Variants in ARHGAP35 observed in about 807,000 individuals in gnomAD.
ARHGAP35 encodes the protein Rho GTPase activating protein 35.
Under a neutral mutation model 111.1 loss-of-function variants are expected in ARHGAP35, and 15 were observed. The observed-to-expected ratio is 0.13, with a 90% CI of 0.09 to 0.21. The LOEUF is 0.21. Ranked by LOEUF, ARHGAP35 falls within the 10% of genes least tolerant of loss-of-function variation. The pLI is 1.00. For missense variants in ARHGAP35, 1,262 were observed against 1,873.0 expected, an observed-to-expected ratio of 0.67 and a Z score of 6.02; for synonymous variants, 643 against 710.3, an observed-to-expected ratio of 0.91 and a Z score of 1.51.
chr19:46,977,147 AG>A (rs1284673695), intron 3 of ARHGAP35, among the ~76,000 whole-genome samples: 3 of 152,228 alleles, frequency 2.0e-5, no homozygotes, highest in African/African-American at 7.2e-5. Context: ...CAGCTTCTGC[AG>A]GGGGCGTGGC....
chr19:46,955,921 C>T (rs1336548104), intron 3 of ARHGAP35, among the ~76,000 whole-genome samples: 5 of 152,158 alleles, frequency 3.3e-5, no homozygotes, highest in African/African-American at 4.8e-5. Context: ...AAATGCAGGT[C>T]ACGCATCCCT....
At chr19:46,873,817 C>T (rs964610269) in intron 1 of ARHGAP35, among the ~76,000 whole-genome samples, 7 of 151,636 alleles carry the variant, frequency 4.6e-5, no homozygotes, top group Admixed American at 6.6e-5. Context: ...GGCACGATCT[C>T]GGCTCACTGC....
Position 46,994,410 on chromosome 19 carries a change from A to G in ARHGAP35, c.4036+4735A>G, listed in dbSNP as rs1480004043. Among the ~76,000 whole-genome samples, 3 of 152,198 alleles carry G rather than the reference A, an allele frequency of 2.0e-5. No homozygotes were observed. The highest frequency in any genetic ancestry group is 4.8e-5 in the African/African-American group (2 of 41,440). ...GCCTTCGGCAGCACCATAGGGTAGA[A>G]GGTGTCCAGGGTGCACGGGCTGGGC... On this transcript the variant is annotated intron_variant, in intron 5 of 6. Transcript: ENST00000672722. This position sits in a 1 kb window ranked among gnomAD's most constrained non-coding sequence, Gnocchi z 5.4.
intron 1 of ARHGAP35, among the ~76,000 whole-genome samples, chr19:46,875,023 G>T (rs2122123628): frequency 6.6e-6 from 1 of 151,844 alleles, no homozygotes; most frequent in East Asian, 1.9e-4. Flanking sequence ...TGTTGGTCAG[G>T]CTGGTCTCGA....
chr19:46,986,527 C>A lies in ARHGAP35; in HGVS notation c.3827-1462C>A, dbSNP rs1373221164. On this transcript the variant is annotated intron_variant, in intron 3 of 6. Transcript: ENST00000672722. This position sits in a 1 kb window ranked among gnomAD's most constrained non-coding sequence, Gnocchi z 4.3. ...GAAAAACCTATTCTAAGCATAAAAA[C>A]CAAGGAAGACATCATAAAGGAAATG... 6.6e-6 allele frequency among the ~76,000 whole-genome samples: 1 copy of A among 151,812 alleles called. No individual in the cohort carries two copies. The highest frequency in any genetic ancestry group is 1.5e-5 in the Non-Finnish European group (1 of 67,934).
intron 3 of ARHGAP35, among the ~76,000 whole-genome samples, chr19:46,978,686 G>GATGTGTGTGTGGGAT (rs2056596586): frequency 1.2e-5 from 1 of 80,010 alleles, no homozygotes. Flanking sequence ...TGTGTGGTGG[G>GATGTGTGTGTGGGAT]ATGTGTGTGT....
In ARHGAP35 at chr19:46,922,175, G is replaced by C. The variant is rs759708637; in HGVS notation, c.3500G>C (p.Arg1167Pro). 2 of 1,613,988 alleles carry C rather than the reference G, an allele frequency of 1.2e-6. No individual in the cohort carries two copies. The highest frequency in any genetic ancestry group is 1.7e-6 in the Non-Finnish European group (2 of 1,179,890). The change falls in exon 2 of 7, where the codon CGG (arginine) becomes CCG (proline). Residue 1167 changes from arginine to proline, a missense_variant. Physicochemically the swap from Arg to Pro is moderately radical, Grantham distance 103. Around this residue, in one of 8 missense-constraint regions of ARHGAP35, gnomAD observed 579 missense variants for 716.9 expected, o/e 0.81. Transcript: ENST00000672722. This position sits in a 1 kb window ranked among gnomAD's most constrained non-coding sequence, Gnocchi z 4.0. Reference protein sequence around the residue: ...LYRTRCTRLGRFASYRTSFSV... With the variant: ...LYRTRCTRLGPFASYRTSFSV... Reference sequence around the variant, plus strand: ...AGGACGAGATGCACCCGGCTGGGGCGGTTTGCTAGTTACCGGACCAGCTTC... The same window carrying C: ...AGGACGAGATGCACCCGGCTGGGGCCGTTTGCTAGTTACCGGACCAGCTTC...
chr19:46,877,611 T>C lies in ARHGAP35; in HGVS notation c.-189+16402T>C, dbSNP rs113469243. ...AATTAAAAAATAAAAGTTATCTTTA[T>C]GCCGTACTGTAGTCTAAGTGTGCAG... is the stretch of plus-strand genomic sequence containing the variant. On this transcript the variant is annotated intron_variant, in intron 1 of 6. Coordinates refer to ENST00000672722, the MANE Select transcript of ARHGAP35 (RefSeq NM_004491.5). Among the ~76,000 whole-genome samples, 987 of 152,316 alleles carry C rather than the reference T, an allele frequency of 6.5e-3. 6 individuals are homozygous for C. Among genetic ancestry groups the C allele is most frequent in the Middle Eastern group, 0.02 (6 of 294 alleles).
At position 46,999,720 on chromosome 19, in the gene ARHGAP35, C is replaced by A; in HGVS notation, c.4142+311C>A. ...TTGTAGGCCTGTGTCCCAAAGCTGGCAGAGAGAGAAGATCTTCTGGTTGGT... is the reference window on the plus strand; with the variant it reads ...TTGTAGGCCTGTGTCCCAAAGCTGGAAGAGAGAGAAGATCTTCTGGTTGGT... On this transcript the variant is annotated intron_variant, in intron 6 of 6. Transcript: ENST00000672722. This position sits in a 1 kb window ranked among gnomAD's most constrained non-coding sequence, Gnocchi z 5.4. 1 of 360,676 alleles carries A rather than the reference C, an allele frequency of 2.8e-6. No homozygotes were observed. Among genetic ancestry groups the A allele is most frequent in the Non-Finnish European group, 5.0e-6 (1 of 198,056 alleles). 22.3% of individuals were successfully genotyped at this position (360,676 alleles called of 1,614,324 possible).
chr19:46,971,807 A>C (rs1353865592), intron 3 of ARHGAP35, among the ~76,000 whole-genome samples: 1 of 151,096 alleles, frequency 6.6e-6, no homozygotes. Context: ...CGGCTCCCTC[A>C]GTTTTATCCT....
intron 1 of ARHGAP35, among the ~76,000 whole-genome samples, chr19:46,863,532 C>T (rs1427638972): frequency 6.6e-6 from 1 of 152,106 alleles, no homozygotes. Context: ...ATTGCAGCTG[C>T]TCGCAGATCT....
intron 1 of ARHGAP35, among the ~76,000 whole-genome samples, chr19:46,900,030 T>C (rs548562565): frequency 1.3e-5 from 2 of 152,314 alleles, no homozygotes; most frequent in South Asian, 4.1e-4. Flanking sequence ...GATTTTTCTA[T>C]ATAAATTGAA....
chr19:46,929,472 C>T (rs947215829), intron 2 of ARHGAP35, among the ~76,000 whole-genome samples: 3 of 152,028 alleles, frequency 2.0e-5, no homozygotes, highest in Admixed American at 6.6e-5. Context: ...TACCACACAA[C>T]TTGGCAAGCC....
Position 46,921,062 on chromosome 19 carries a change from C to T in ARHGAP35, c.2387C>T (p.Ala796Val). The change falls in exon 2 of 7, where the codon GCA (alanine) becomes GTA (valine). Residue 796 changes from alanine (A) to valine (V), a missense_variant. Ala to Val is a moderately conservative substitution (Grantham distance 64). This residue lies in a region of ARHGAP35 where 579 missense variants were observed against 716.9 expected (regional missense o/e 0.81). Transcript: ENST00000672722. The surrounding 1 kb of genome is among the most constrained non-coding windows in gnomAD (Gnocchi z 4.3). ...MCLMCGDPFS[A>V]DDILFPVLQS... The stretch of plus-strand genomic sequence containing the variant: ...CTGATGTGTGGAGATCCTTTTAGTG[C>T]AGATGACATACTTTTTCCTGTCCTT... The T allele has an allele frequency of 3.1e-6, 5 of 1,613,956 alleles. No homozygotes were observed. Among genetic ancestry groups the T allele is most frequent in the Non-Finnish European group, 4.2e-6 (5 of 1,179,888 alleles).
Position 47,000,673 on chromosome 19 carries a change from C to G in ARHGAP35, c.4485C>G (p.Ala1495=). The G allele has an allele frequency of 2.5e-6, 4 of 1,586,608 alleles. No individual in the cohort carries two copies. The highest frequency in any genetic ancestry group is 3.4e-6 in the Non-Finnish European group (4 of 1,165,342). The stretch of plus-strand genomic sequence containing the variant: ...CACTGCTTCCCTCCCAGCTTCAAGC[C>G]GAACACACGCTGTGAGCCACCAAGA... The part of the protein sequence containing the change: ...MQPLLPSQLQ[A]EHTL Residue 1495 remains alanine (A), a synonymous_variant, in exon 7 of 7, where the codon GCC becomes GCG. Transcript: ENST00000672722. The surrounding 1 kb of genome is among the most constrained non-coding windows in gnomAD (Gnocchi z 6.9).
intron 3 of ARHGAP35, among the ~76,000 whole-genome samples, 177 bp downstream of exon 3, chr19:46,937,585 T>A (rs1000015476): frequency 2.0e-5 from 3 of 149,418 alleles, no homozygotes; most frequent in African/African-American, 7.4e-5. Flanking sequence ...TTGTGTGCAG[T>A]TTTGAGGCTG....
chr19:46,941,962 A>G (rs2056349972), intron 3 of ARHGAP35, among the ~76,000 whole-genome samples: 1 of 151,644 alleles, frequency 6.6e-6, no homozygotes, highest in African/African-American at 2.4e-5. Flanking sequence ...TCTTTCTTCA[A>G]GAAAAAAATG....
At chr19:46,916,101 AT>A (rs1287941797) in intron 1 of ARHGAP35, among the ~76,000 whole-genome samples, 1 of 151,880 alleles carries the variant, frequency 6.6e-6, no homozygotes, top group Non-Finnish European at 1.5e-5. Flanking sequence ...CACCCAGCTA[AT>A]TTGTTGTACT....
intron 3 of ARHGAP35, among the ~76,000 whole-genome samples, chr19:46,970,314 T>C (rs2056538523): frequency 6.6e-6 from 1 of 152,218 alleles, no homozygotes; most frequent in Admixed American, 6.5e-5. Context: ...CCTTGGTGTT[T>C]GCAGAAATAT....
Sources: gnomAD v4.1 joint callset for allele counts (sites outside exome capture counted in the v4.1 genomes callset) on GRCh38, gnomAD v4.1.1 for gene constraint, gnomAD v4.1.1 regional missense constraint, Gnocchi (gnomAD v3.1) non-coding constraint, MANE v1.5 for transcripts, NCBI Gene and HGNC (gene_info 2026-07-23, HGNC 2026-07-21) for gene names.